The following CDIN1 variants were observed in gnomAD, a reference collection of about 807,000 sequenced individuals.
The protein encoded by CDIN1 is CDAN1-interacting nuclease 1.
A neutral mutation model predicts 45.3 loss-of-function variants in CDIN1; 33 were observed. The observed-to-expected ratio is 0.73, with a 90% CI of 0.55 to 0.97. The LOEUF (loss-of-function observed/expected upper bound fraction) is 0.97, where lower values mean the gene tolerates loss of function less well. CDIN1 is among the 50% of genes least tolerant of loss of function. The pLI is 0.00. For missense variants in CDIN1, 303 were observed against 339.4 expected, an observed-to-expected ratio of 0.89 and a Z score of 0.84; for synonymous variants, 118 against 124.4, an observed-to-expected ratio of 0.95 and a Z score of 0.34.
Position 36,753,348 on chromosome 15 carries a change from C to T in CDIN1, c.716+43387C>T, listed in dbSNP as rs896321541. Reference sequence around the variant, plus strand: ...GGAAACCTGGAGCCCCAAACGGAGCCTCTCACAGTAAACTGCAGAATGGAG... The same window carrying T: ...GGAAACCTGGAGCCCCAAACGGAGCTTCTCACAGTAAACTGCAGAATGGAG... On this transcript the variant is annotated intron_variant, in intron 10 of 10. Coordinates refer to ENST00000566621, the MANE Select transcript of CDIN1 (RefSeq NM_001321759.2). Among the ~76,000 whole-genome samples, 6 of 152,100 alleles carry T rather than the reference C, an allele frequency of 3.9e-5. No homozygotes were observed. The East Asian group carries it at 9.6e-4, about 24-fold the overall frequency.
chr15:36,638,059 C>T (rs1433603459), intron 1 of CDIN1, among the ~76,000 whole-genome samples: 1 of 152,010 alleles, frequency 6.6e-6, no homozygotes, highest in African/African-American at 2.4e-5. Context: ...ATTCTTTGGG[C>T]TGTGCATTTG....
At chr15:36,645,494 T>TTGTGTGTGTGTGTGTGTGTGTG (rs57349735) in intron 3 of CDIN1, among the ~76,000 whole-genome samples, 1 of 143,384 alleles carries the variant, frequency 7.0e-6, no homozygotes, top group Non-Finnish European at 1.5e-5. Flanking sequence ...CTGTCTTGAC[T>TTGTGTGTGTGTGTGTGTGTGTG]TGTGTGTGTG....
intron 3 of CDIN1, among the ~76,000 whole-genome samples, chr15:36,652,023 A>G (rs1467050692): frequency 1.3e-5 from 2 of 152,210 alleles, no homozygotes; most frequent in South Asian, 2.1e-4. Context: ...GTAGTCTGGC[A>G]TCTAGCTGCT....
At chr15:36,607,891 A>G (rs1428521172) in intron 1 of CDIN1, among the ~76,000 whole-genome samples, 1 of 152,178 alleles carries the variant, frequency 6.6e-6, no homozygotes, top group African/African-American at 2.4e-5. Context: ...GTTCAGTCCT[A>G]GGCGATCACT....
chr15:36,737,841 C>T (rs1324266869), intron 10 of CDIN1, among the ~76,000 whole-genome samples: 1 of 152,160 alleles, frequency 6.6e-6, no homozygotes, highest in African/African-American at 2.4e-5. Context: ...CCTAGATTGT[C>T]ACATAAACTC....
intron 4 of CDIN1, among the ~76,000 whole-genome samples, chr15:36,656,050 T>C (rs2040769616): frequency 6.6e-6 from 1 of 152,168 alleles, no homozygotes; most frequent in East Asian, 1.9e-4. Flanking sequence ...TTTTCCTCCG[T>C]TTTGGCTACA....
chr15:36,791,449 AAG>A (rs934097785), intron 10 of CDIN1, among the ~76,000 whole-genome samples: 1 of 152,246 alleles, frequency 6.6e-6, no homozygotes, highest in Non-Finnish European at 1.5e-5. Context: ...GCAACAACAG[AAG>A]AGTCTTTTTA....
Position 36,808,534 on chromosome 15 carries a change from G to C in CDIN1, c.*81G>C. Reference sequence around the variant, plus strand: ...TACTTTCCTGCACTGTAAGATCCTGGCAACATCTGCCCTGAACTTCAGCTG... The same window carrying C: ...TACTTTCCTGCACTGTAAGATCCTGCCAACATCTGCCCTGAACTTCAGCTG... On this transcript the variant is annotated 3_prime_UTR_variant, in exon 11 of 11. Transcript: ENST00000566621. 1 of 1,545,734 alleles carries C rather than the reference G, an allele frequency of 6.5e-7. No individual in the cohort carries two copies. Among genetic ancestry groups the C allele is most frequent in the Non-Finnish European group, 8.8e-7 (1 of 1,140,158 alleles).
chr15:36,749,910 C>A (rs975874277), intron 10 of CDIN1, among the ~76,000 whole-genome samples: 1 of 152,176 alleles, frequency 6.6e-6, no homozygotes, highest in Non-Finnish European at 1.5e-5. Context: ...CCAGGTCCCC[C>A]GACCTTTTGG....
At chr15:36,697,003 T>C (rs1296111104) in intron 7 of CDIN1, among the ~76,000 whole-genome samples, 1 of 149,966 alleles carries the variant, frequency 6.7e-6, no homozygotes, top group Non-Finnish European at 1.5e-5. Flanking sequence ...TACACCCCTG[T>C]AGTCCCTGCT....
At chr15:36,601,765 C>T (rs1013566834) in intron 1 of CDIN1, among the ~76,000 whole-genome samples, 2 of 152,184 alleles carry the variant, frequency 1.3e-5, no homozygotes, top group South Asian at 2.1e-4. Context: ...GTAAAATCCT[C>T]GTGTCCTGCC....
intron 1 of CDIN1, among the ~76,000 whole-genome samples, chr15:36,622,107 A>T (rs1566841091): frequency 6.6e-6 from 1 of 152,258 alleles, no homozygotes; most frequent in Non-Finnish European, 1.5e-5. Flanking sequence ...TTTTCAAAGT[A>T]AAGTGTTTGT....
chr15:36,589,852 T>G (rs1036161886), intron 1 of CDIN1, among the ~76,000 whole-genome samples: 5 of 152,186 alleles, frequency 3.3e-5, no homozygotes, highest in African/African-American at 9.6e-5. Context: ...GATCCTGGAT[T>G]GTTTGGTCGG....
At chr15:36,707,171 T>G (rs568629195) in intron 8 of CDIN1, 1 of 152,286 alleles carries the variant, frequency 6.6e-6, no homozygotes, top group South Asian at 2.1e-4. Context: ...ATGTTTGGCA[T>G]AACATCTTTA....
intron 5 of CDIN1, 49 bp downstream of exon 5, chr15:36,657,954 T>C (rs1213327823): frequency 6.8e-7 from 1 of 1,464,356 alleles, no homozygotes; most frequent in Non-Finnish European, 9.4e-7. Flanking sequence ...CCTTCCCCAA[T>C]TTAAAAATAA....
intron 10 of CDIN1, among the ~76,000 whole-genome samples, chr15:36,752,108 A>G (rs1595556947): frequency 1.3e-5 from 2 of 152,186 alleles, no homozygotes; most frequent in South Asian, 4.1e-4. Flanking sequence ...ACGTTTACCT[A>G]TGTAACAAAC....
intron 1 of CDIN1, among the ~76,000 whole-genome samples, chr15:36,621,014 A>G (rs2039162030): frequency 6.6e-6 from 1 of 152,210 alleles, no homozygotes; most frequent in Non-Finnish European, 1.5e-5. Context: ...TAAATACACA[A>G]GTTTACATGC....
intron 10 of CDIN1, among the ~76,000 whole-genome samples, chr15:36,774,163 T>TGTGTGTGTGTGCGCGCGCGC (rs149222188): frequency 1.5e-4 from 22 of 143,068 alleles, no homozygotes; most frequent in African/African-American, 5.3e-4. Flanking sequence ...TGTGTGTGTG[T>TGTGTGTGTGTGCGCGCGCGC]GCGCGCGCGC....
intron 1 of CDIN1, among the ~76,000 whole-genome samples, chr15:36,600,803 G>A (rs915955846): frequency 9.2e-5 from 14 of 152,126 alleles, no homozygotes; most frequent in African/African-American, 3.1e-4. Context: ...TTCCATCAAA[G>A]TATAGTTTTC....
Sources: allele counts gnomAD v4.1 joint callset (sites outside exome capture counted in the v4.1 genomes callset), GRCh38; gene constraint gnomAD v4.1.1; transcripts MANE v1.5; gene names NCBI Gene and HGNC (gene_info 2026-07-23, HGNC 2026-07-21).